The following PAX2 variants were observed in gnomAD, a reference collection of about 807,000 sequenced individuals.
PAX2 encodes the protein paired box 2, also known as paired box protein Pax-2.
PAX2 carries 9 observed loss-of-function variants against 41.7 expected under a neutral mutation model. That is an observed-to-expected ratio of 0.22 (90% CI 0.13 to 0.38). The LOEUF (loss-of-function observed/expected upper bound fraction) is 0.38, where lower values mean the gene tolerates loss of function less well. Among genes scored for constraint, PAX2 ranks in the 10% least tolerant of loss-of-function variants. The pLI, the probability that PAX2 is intolerant of heterozygous loss-of-function variation, is 1.00. For missense variants in PAX2, 418 were observed against 531.6 expected, an observed-to-expected ratio of 0.79 and a Z score of 2.10; for synonymous variants, 221 against 212.7, an observed-to-expected ratio of 1.04 and a Z score of -0.34.
At chr10:100,804,163 G>A (rs1847674031) in intron 5 of PAX2, among the ~76,000 whole-genome samples, 2 of 151,890 alleles carry the variant, frequency 1.3e-5, no homozygotes, top group African/African-American at 4.8e-5. Context: ...ATAATCTCTC[G>A]CAAATTTAGA....
At chr10:100,788,191 T>C (rs921137461) in intron 5 of PAX2, among the ~76,000 whole-genome samples, 2 of 152,240 alleles carry the variant, frequency 1.3e-5, no homozygotes, top group South Asian at 2.1e-4. Context: ...TGCTAGTCTG[T>C]GCTGAGATTG....
intron 3 of PAX2, among the ~76,000 whole-genome samples, chr10:100,774,345 G>T (rs1846311934): frequency 6.6e-6 from 1 of 152,118 alleles, no homozygotes; most frequent in Non-Finnish European, 1.5e-5. Flanking sequence ...CTGAAGTCCT[G>T]CCACGACCCC....
chr10:100,766,583 T>TGAGAA (rs1846037972), intron 3 of PAX2, among the ~76,000 whole-genome samples: 3 of 152,218 alleles, frequency 2.0e-5, no homozygotes, highest in Admixed American at 2.0e-4. Flanking sequence ...CAGGCAGACC[T>TGAGAA]GTTCTCGTTT....
intron 3 of PAX2, among the ~76,000 whole-genome samples, chr10:100,762,985 G>A (rs1238326112): frequency 6.6e-6 from 1 of 152,206 alleles, no homozygotes; most frequent in Admixed American, 6.5e-5. Flanking sequence ...CGAGGATACA[G>A]CTGTATGAGG....
At chr10:100,757,983 G>T (rs1412859173) in intron 3 of PAX2, among the ~76,000 whole-genome samples, 1 of 152,196 alleles carries the variant, frequency 6.6e-6, no homozygotes, top group Non-Finnish European at 1.5e-5. Context: ...CGTAGAGCCA[G>T]GGTCCCCTCA....
chr10:100,753,653 G>A lies in PAX2; in HGVS notation c.410+2762G>A, dbSNP rs111745682. Among the ~76,000 whole-genome samples the A allele has an allele frequency of 2.4e-3, 368 of 152,278 alleles. 1 individual carries two copies. The highest frequency in any genetic ancestry group is 8.1e-3 in the African/African-American group (336 of 41,552). On this transcript the variant is annotated intron_variant, in intron 3 of 9. Transcript: ENST00000355243. ...AAGGTTGTGCATGAGCTGGTGGTTG[G>A]CAAGAAAAGAAGTCCACACATGCTC...
At chr10:100,757,148 C>A (rs568591983) in intron 3 of PAX2, among the ~76,000 whole-genome samples, 2 of 152,098 alleles carry the variant, frequency 1.3e-5, no homozygotes, top group East Asian at 3.8e-4. Context: ...ATCTTCTGTG[C>A]GTGTGGATTT....
rs766869197 is a variant in PAX2, at chr10:100,746,225, G to C, written c.-36G>C. The C allele has an allele frequency of 1.2e-6, 2 of 1,613,062 alleles. No homozygotes were observed. The highest frequency in any genetic ancestry group is 1.7e-6 in the Non-Finnish European group (2 of 1,179,690). ...GTTGAGTTTGAGAGGCGACACGGCGGCGGCGGCCGCGCTGCTCCCGCTCCT... is the reference window on the plus strand; with the variant it reads ...GTTGAGTTTGAGAGGCGACACGGCGCCGGCGGCCGCGCTGCTCCCGCTCCT... On this transcript the variant is annotated 5_prime_UTR_variant, in exon 1 of 10. Transcript: ENST00000355243.
chr10:100,793,126 G>A (rs1418397711), intron 5 of PAX2, among the ~76,000 whole-genome samples: 1 of 152,166 alleles, frequency 6.6e-6, no homozygotes, highest in African/African-American at 2.4e-5. Context: ...TCTGGCCCCT[G>A]CTGGAGCCAA....
chr10:100,793,539 C>T (rs1441469756), intron 5 of PAX2, among the ~76,000 whole-genome samples: 1 of 152,194 alleles, frequency 6.6e-6, no homozygotes, highest in Non-Finnish European at 1.5e-5. Flanking sequence ...CCACAGGTAA[C>T]CTGGGGGCTC....
chr10:100,743,851 C>T (rs1845049585), upstream of PAX2, among the ~76,000 whole-genome samples: 1 of 152,236 alleles, frequency 6.6e-6, no homozygotes, highest in Non-Finnish European at 1.5e-5. Context: ...ACCAACCTGC[C>T]TAGCCACCCA....
chr10:100,800,894 A>G (rs1245641167), intron 5 of PAX2, among the ~76,000 whole-genome samples: 2 of 152,282 alleles, frequency 1.3e-5, no homozygotes, highest in African/African-American at 4.8e-5. Flanking sequence ...GAAGTAGCAC[A>G]TACTAATTGC....
intron 5 of PAX2, among the ~76,000 whole-genome samples, chr10:100,805,941 G>T (rs1847765916): frequency 6.6e-6 from 1 of 152,152 alleles, no homozygotes. Context: ...CAGTCTCCAG[G>T]TTACACTCGG....
intron 5 of PAX2, among the ~76,000 whole-genome samples, chr10:100,790,060 GC>G (rs560874093): frequency 5.1e-4 from 78 of 152,332 alleles, no homozygotes; most frequent in Admixed American, 2.4e-3. Flanking sequence ...AGAGACAGCA[GC>G]CAAATCACCA....
At chr10:100,770,683 T>C (rs963315766) in intron 3 of PAX2, among the ~76,000 whole-genome samples, 3 of 152,206 alleles carry the variant, frequency 2.0e-5, no homozygotes, top group Admixed American at 1.3e-4. Flanking sequence ...GAAGGCTAAG[T>C]TGATGCAGAA....
intron 3 of PAX2, among the ~76,000 whole-genome samples, chr10:100,768,692 C>T (rs1204903218): frequency 1.3e-5 from 2 of 152,070 alleles, no homozygotes; most frequent in Non-Finnish European, 2.9e-5. Flanking sequence ...CCAAAAAGAT[C>T]AACTGATTCA....
At chr10:100,752,362 A>C (rs1248413886) in intron 3 of PAX2, among the ~76,000 whole-genome samples, 1 of 152,202 alleles carries the variant, frequency 6.6e-6, no homozygotes, top group African/African-American at 2.4e-5. Flanking sequence ...GTGGTTTGGG[A>C]GAGGAATAAG....
Position 100,829,438 on chromosome 10 carries a change from C to T in PAX2, c.*1819C>T, listed in dbSNP as rs1185370101. 1 of 208,348 alleles carries T rather than the reference C, an allele frequency of 4.8e-6. No homozygotes were observed. The highest frequency in any genetic ancestry group is 7.0e-5 in the East Asian group (1 of 14,320). 12.9% of individuals were successfully genotyped at this position (208,348 alleles called of 1,614,324 possible). A position where few individuals can be genotyped will look rare whatever the true frequency, so the allele number is the denominator to read the frequency against. ...GCGTGCCCCGCGCGCCCCGGGCGGC[C>T]GAAGGCCGGGCCGCCCCGTCCCGCC... On this transcript the variant is annotated 3_prime_UTR_variant, in exon 10 of 10. Coordinates refer to ENST00000355243, the MANE Select transcript of PAX2 (RefSeq NM_000278.5).
At chr10:100,804,062 T>G (rs1048218296) in intron 5 of PAX2, among the ~76,000 whole-genome samples, 5 of 152,158 alleles carry the variant, frequency 3.3e-5, no homozygotes, top group Non-Finnish European at 5.9e-5. Flanking sequence ...CATTTCAAGT[T>G]CATTTCGCCG....
Sources: gnomAD v4.1 joint callset for allele counts (sites outside exome capture counted in the v4.1 genomes callset) on GRCh38, gnomAD v4.1.1 for gene constraint, MANE v1.5 for transcripts, NCBI Gene and HGNC (gene_info 2026-07-23, HGNC 2026-07-21) for gene names.